Variants in SHANK2 observed in about 807,000 individuals in gnomAD.
The protein encoded by SHANK2 is SH3 and multiple ankyrin repeat domains protein 2.
SHANK2 carries 43 observed loss-of-function variants against 133.7 expected under a neutral mutation model. The observed-to-expected ratio is 0.32, with a 90% CI of 0.25 to 0.41. The LOEUF is 0.41. Ranked by LOEUF, SHANK2 falls within the 10% of genes least tolerant of loss-of-function variation. The probability of loss-of-function intolerance (pLI) is 1.00; values close to 1 mark genes in which losing one functional copy is unlikely to be tolerated. For synonymous variants in SHANK2, 1,017 were observed against 952.8 expected (o/e 1.07, Z -1.24); for missense variants, 1,994 against 2,235.8 (o/e 0.89, Z 2.18).
At chr11:70,557,747 G>A (rs2059852059) in intron 17 of SHANK2, among the ~76,000 whole-genome samples, 1 of 152,136 alleles carries the variant, frequency 6.6e-6, no homozygotes, top group African/African-American at 2.4e-5. Flanking sequence ...AGTGGTTCCG[G>A]AGATCCCCAG....
intron 10 of SHANK2, among the ~76,000 whole-genome samples, chr11:70,953,164 G>A (rs1341482690): frequency 7.2e-5 from 11 of 152,200 alleles, no homozygotes; most frequent in African/African-American, 2.6e-4. Flanking sequence ...TCCCCAGTGT[G>A]GTGGTGTTGG....
chr11:70,859,346 A>G (rs900571061), intron 11 of SHANK2, among the ~76,000 whole-genome samples: 2 of 152,076 alleles, frequency 1.3e-5, no homozygotes, highest in Admixed American at 6.6e-5. Context: ...GAATGGATGG[A>G]TGAATGGAGA....
rs975910594 is a variant in SHANK2 at position 70,493,389 on chromosome 11, A to G, written c.2309-924T>C. Among the ~76,000 whole-genome samples the G allele has an allele frequency of 3.2e-4, 49 of 151,170 alleles. No homozygotes were observed. In the South Asian group the frequency reaches 4.8e-3, roughly 15 times the overall value. ...CATTTCCTTTAAAAAAAAAAAAAAA[A>G]AAGAAAACCAAAGTTTAGTTATAAG... On this transcript the variant is annotated intron_variant, in intron 21 of 25. Coordinates refer to ENST00000601538, the MANE Select transcript of SHANK2 (RefSeq NM_012309.5).
chr11:70,478,270 T>C lies in SHANK2; in HGVS notation c.4980-4831A>G, dbSNP rs564945206. On this transcript the variant is annotated intron_variant, in intron 25 of 25. Coordinates refer to ENST00000601538, the MANE Select transcript of SHANK2 (RefSeq NM_012309.5). ...GATCCTCCTGCATCAGCCTCTGGCA[T>C]AGCTAGAGTAATCTGCTCTTTAACT... 2.6e-5 allele frequency among the ~76,000 whole-genome samples: 4 copies of C among 152,146 alleles called. No homozygotes were observed. The East Asian group carries it at 5.8e-4, about 22-fold the overall frequency.
At chr11:70,548,161 G>A (rs2059718258) in intron 17 of SHANK2, among the ~76,000 whole-genome samples, 1 of 152,254 alleles carries the variant, frequency 6.6e-6, no homozygotes, top group African/African-American at 2.4e-5. Context: ...GCATCCGGGT[G>A]GGCTGTGCCC....
intron 14 of SHANK2, among the ~76,000 whole-genome samples, chr11:70,772,549 A>G (rs1555043108): frequency 6.6e-6 from 1 of 152,160 alleles, no homozygotes; most frequent in Admixed American, 6.5e-5. Context: ...CATTGGAGAA[A>G]CTATAGTTTC....
rs547051909 is a variant in SHANK2 at position 70,743,618 on chromosome 11, A to G, written c.1778-44855T>C. On this transcript the variant is annotated intron_variant, in intron 14 of 25. Coordinates refer to ENST00000601538, the MANE Select transcript of SHANK2 (RefSeq NM_012309.5). ...ACACTGGATGCTTTGGGATAAGCACACAGCTACAGAAAAGCTTCTCTATAG... is the reference window on the plus strand; with the variant it reads ...ACACTGGATGCTTTGGGATAAGCACGCAGCTACAGAAAAGCTTCTCTATAG... 4.6e-5 allele frequency among the ~76,000 whole-genome samples: 7 copies of G among 152,286 alleles called. No homozygotes were observed. In the East Asian group the frequency reaches 1.4e-3, roughly 29 times the overall value.
chr11:70,793,887 ATAT>A (rs1477979744), intron 14 of SHANK2, among the ~76,000 whole-genome samples: 1 of 152,238 alleles, frequency 6.6e-6, no homozygotes, highest in Non-Finnish European at 1.5e-5. Context: ...AGGTTCATTC[ATAT>A]TAGCCAAAAC....
At chr11:70,943,852 G>T (rs1279514450) in intron 10 of SHANK2, 16 of 444,580 alleles carry the variant, frequency 3.6e-5, no homozygotes, top group South Asian at 2.6e-4. Flanking sequence ...CACATCCCAC[G>T]CCACAGTGCT....
chr11:70,487,413 G>C lies in SHANK2; in HGVS notation c.2880C>G (p.Ser960=), dbSNP rs781946193. 1 of 1,614,162 alleles carries C rather than the reference G, an allele frequency of 6.2e-7. No homozygotes were observed. Among genetic ancestry groups the C allele is most frequent in the South Asian group, 1.1e-5 (1 of 91,080 alleles). Residue 960 remains serine, a synonymous_variant, in exon 25 of 26, where the codon TCC becomes TCG. Transcript: ENST00000601538. The surrounding 1 kb of genome is among the most constrained non-coding windows in gnomAD (Gnocchi z 5.8). ...GACTGTAGAGGTCTTCAGAGTCCAA[G>C]GAGTAGCGGTCCAGCTCTCTCCTGA... ...MYFRRELDRY[S]LDSEDLYSRN... is the part of the protein sequence containing the mutation.
At chr11:70,674,784 A>G (rs1345472667) in intron 15 of SHANK2, among the ~76,000 whole-genome samples, 1 of 152,274 alleles carries the variant, frequency 6.6e-6, no homozygotes, top group Non-Finnish European at 1.5e-5. Context: ...GCACAGAGGC[A>G]GCCATGACAA....
In SHANK2 at chr11:70,914,759, C is replaced by T. The variant is rs908812112; in HGVS notation, c.1108-18192G>A. ...AAGTAAAATTAGCCCAGCGTGGTAGCGCACACCTGTAACCCCAGCTATTCA... is the reference window on the plus strand; with the variant it reads ...AAGTAAAATTAGCCCAGCGTGGTAGTGCACACCTGTAACCCCAGCTATTCA... On this transcript the variant is annotated intron_variant, in intron 10 of 25. Coordinates refer to ENST00000601538, the MANE Select transcript of SHANK2 (RefSeq NM_012309.5). Among the ~76,000 whole-genome samples the T allele has an allele frequency of 7.3e-5, 10 of 136,600 alleles. No individual in the cohort carries two copies. In the South Asian group the frequency reaches 1.4e-3, roughly 19 times the overall value. 89.6% of individuals were successfully genotyped at this position (136,600 alleles called of 152,430 possible). A position where few individuals can be genotyped will look rare whatever the true frequency, so the allele number is the denominator to read the frequency against.
intron 3 of SHANK2, among the ~76,000 whole-genome samples, chr11:71,133,496 G>T (rs1461103462): frequency 1.3e-5 from 2 of 151,678 alleles, no homozygotes; most frequent in Non-Finnish European, 2.9e-5. Context: ...ATGGACGGAC[G>T]GATGGATGGC....
At chr11:71,141,530 A>T (rs1211447696) in intron 3 of SHANK2, among the ~76,000 whole-genome samples, 1 of 152,106 alleles carries the variant, frequency 6.6e-6, no homozygotes, top group Non-Finnish European at 1.5e-5. Flanking sequence ...AACAACAAGA[A>T]GATGTGACTT....
intron 10 of SHANK2, among the ~76,000 whole-genome samples, chr11:70,898,282 GCACACACA>G (rs71467421): frequency 8.1e-5 from 11 of 135,474 alleles, no homozygotes; most frequent in East Asian, 4.4e-4. Flanking sequence ...ATACACACAC[GCACACACA>G]CACACACACA....
intron 14 of SHANK2, among the ~76,000 whole-genome samples, chr11:70,733,774 G>A (rs1341469825): frequency 1.3e-5 from 2 of 152,206 alleles, no homozygotes; most frequent in African/African-American, 2.4e-5. Flanking sequence ...GGCCTGGCAG[G>A]TCTGGGGAAG....
chr11:71,126,216 C>CAAAAAAAAAAAAAAAAA (rs1170621448), intron 3 of SHANK2, among the ~76,000 whole-genome samples: 1 of 64,438 alleles, frequency 1.6e-5, no homozygotes, highest in African/African-American at 6.0e-5. Context: ...GACTCCGTCT[C>CAAAAAAAAAAAAAAAAA]AAAAAAAAAA....
chr11:70,943,538 T>C (rs1950676301), intron 10 of SHANK2, among the ~76,000 whole-genome samples: 1 of 151,908 alleles, frequency 6.6e-6, no homozygotes, highest in Admixed American at 6.6e-5. Context: ...AGCAAACTCA[T>C]GGGGTGAGCA....
intron 2 of SHANK2, among the ~76,000 whole-genome samples, chr11:71,179,579 T>A (rs1555113507): frequency 6.6e-6 from 1 of 152,156 alleles, no homozygotes; most frequent in Non-Finnish European, 1.5e-5. Context: ...ACTTTCACAC[T>A]TCTCCTCAGC....
Sources: allele counts gnomAD v4.1 joint callset (sites outside exome capture counted in the v4.1 genomes callset), GRCh38; gene constraint gnomAD v4.1.1; non-coding constraint Gnocchi (gnomAD v3.1); transcripts MANE v1.5; gene names NCBI Gene and HGNC (gene_info 2026-07-23, HGNC 2026-07-21).